EDEM2: variants seen among roughly 807,000 people sequenced by gnomAD.
EDEM2 encodes the protein ER degradation enhancing alpha-mannosidase like protein 2, also known as ER degradation-enhancing alpha-mannosidase-like protein 2.
A neutral mutation model predicts 64.8 loss-of-function variants in EDEM2; 39 were observed. That is an observed-to-expected ratio of 0.60 (90% CI 0.47 to 0.79). The LOEUF is 0.79. Among genes scored for constraint, EDEM2 ranks in the 30% least tolerant of loss-of-function variants. EDEM2 has a pLI of 0.00. For synonymous variants in EDEM2, 296 were observed against 291.5 expected (o/e 1.02, Z -0.16); for missense variants, 609 against 731.3 (o/e 0.83, Z 1.93).
chr20:35,145,124 C>T (rs373604474), intron 2 of EDEM2, 106 bp from the exon 3 acceptor site: 33 of 1,125,550 alleles, frequency 2.9e-5, no homozygotes, highest in Middle Eastern at 2.0e-4. Flanking sequence ...CAAAGTAATG[C>T]CTCTGCCTGT....
Position 35,134,868 on chromosome 20 carries a change from C to G in EDEM2, c.572G>C (p.Cys191Ser). 1 of 1,614,212 alleles carries G rather than the reference C, an allele frequency of 6.2e-7. No individual in the cohort carries two copies. Among genetic ancestry groups the G allele is most frequent in the Non-Finnish European group, 8.5e-7 (1 of 1,180,046 alleles). ...AATGAAGGTCCCAATCCCTGCCGTACAGGTGACAGGGGTCTCTCCTGGGTT... is the reference window on the plus strand; with the variant it reads ...AATGAAGGTCCCAATCCCTGCCGTAGAGGTGACAGGGGTCTCTCCTGGGTT... ...GVNPGETPVT[C>S]TAGIGTFIVE... The change falls in exon 6 of 11, where the codon TGT (cysteine) becomes TCT (serine). Residue 191 changes from cysteine to serine, a missense_variant. By Grantham distance (112) the Cys-to-Ser change is moderately radical. Transcript: ENST00000374492.
intron 10 of EDEM2, among the ~76,000 whole-genome samples, chr20:35,117,786 G>A (rs1463155768): frequency 1.3e-5 from 2 of 152,108 alleles, no homozygotes; most frequent in African/African-American, 4.8e-5. Flanking sequence ...GTTCCTGCAT[G>A]GATGTGAGAT....
intron 9 of EDEM2, among the ~76,000 whole-genome samples, chr20:35,121,025 C>T (rs996987661): frequency 6.6e-6 from 1 of 152,208 alleles, no homozygotes; most frequent in Non-Finnish European, 1.5e-5. Flanking sequence ...CCAACTCTGT[C>T]GAGCAGTGGT....
chr20:35,141,047 G>A (rs1452558741), intron 4 of EDEM2, among the ~76,000 whole-genome samples: 1 of 147,904 alleles, frequency 6.8e-6, no homozygotes, highest in Non-Finnish European at 1.5e-5. Flanking sequence ...CTGAACCCGG[G>A]AGGCAGAGGT....
chr20:35,118,030 G>A (rs568602446), intron 10 of EDEM2, among the ~76,000 whole-genome samples: 3 of 152,038 alleles, frequency 2.0e-5, no homozygotes, highest in East Asian at 1.9e-4. Context: ...TGCTTGCTCC[G>A]CTCCAGCCAC....
Position 35,118,636 on chromosome 20 carries a change from T to C in EDEM2, c.1198A>G (p.Ile400Val), listed in dbSNP as rs779539070. The change falls in exon 10 of 11, where the codon ATT becomes GTT. Residue 400 changes from isoleucine to valine, a missense_variant. Transcript: ENST00000374492. ...LELGRDAVES[I>V]EKISKVECGF... is the part of the protein sequence containing the mutation. ...CACTCCACCTTGCTGATTTTTTCAA[T>C]GGATTCCACAGCATCTCTTCCGAGT... is the stretch of plus-strand genomic sequence containing the variant. The C allele has an allele frequency of 5.6e-6, 9 of 1,614,072 alleles. No individual in the cohort carries two copies. Among genetic ancestry groups the C allele is most frequent in the Middle Eastern group, 1.7e-4 (1 of 5,982 alleles).
chr20:35,141,752 T>A (rs1273637109), intron 4 of EDEM2, among the ~76,000 whole-genome samples: 2 of 152,072 alleles, frequency 1.3e-5, no homozygotes, highest in Non-Finnish European at 2.9e-5. Flanking sequence ...ATTCATTAGG[T>A]TTAGGGTGGA....
At chr20:35,120,920 G>A (rs1041950114) in intron 9 of EDEM2, among the ~76,000 whole-genome samples, 4 of 151,824 alleles carry the variant, frequency 2.6e-5, no homozygotes, top group South Asian at 2.1e-4. Flanking sequence ...AGCAGCTGGT[G>A]GGCCAGTGCC....
chr20:35,123,540 C>T (rs112662371), intron 9 of EDEM2, among the ~76,000 whole-genome samples: 13,996 of 151,542 alleles, frequency 0.092, 2,148 homozygotes, highest in African/African-American at 0.32. Context: ...TGCGGTGAGC[C>T]GAGATCACAC....
Position 35,145,003 on chromosome 20 carries a change from T to A in EDEM2, c.234A>T (p.Leu78=). Residue 78 remains leucine, a synonymous_variant, in exon 3 of 11, where the codon CTA becomes CTT. Coordinates refer to ENST00000374492, the MANE Select transcript of EDEM2 (RefSeq NM_018217.3). ...CCAGCAAGGTGTCCAGTGCATCAATTAGAGTCAGAGAAAAACTGCAAAAGG... is the reference window on the plus strand; with the variant it reads ...CCAGCAAGGTGTCCAGTGCATCAATAAGAGTCAGAGAAAAACTGCAAAAGG... ...HDTWGSFSLT[L]IDALDTLLIL... is the part of the protein sequence containing the mutation. 1 of 1,614,044 alleles carries A rather than the reference T, an allele frequency of 6.2e-7. No homozygotes were observed. Among genetic ancestry groups the A allele is most frequent in the Non-Finnish European group, 8.5e-7 (1 of 1,179,970 alleles).
intron 3 of EDEM2, among the ~76,000 whole-genome samples, chr20:35,143,566 C>T (rs535078324): frequency 6.6e-6 from 1 of 152,180 alleles, no homozygotes; most frequent in Non-Finnish European, 1.5e-5. Flanking sequence ...TTATTTAAAC[C>T]GTTAGCCAAA....
chr20:35,130,818 G>A (rs1377495368), intron 7 of EDEM2, among the ~76,000 whole-genome samples: 2 of 152,180 alleles, frequency 1.3e-5, no homozygotes, highest in African/African-American at 2.4e-5. Flanking sequence ...TAGTGTCTAA[G>A]GGCCTGGCGG....
intron 7 of EDEM2, among the ~76,000 whole-genome samples, chr20:35,129,216 G>A (rs963452423): frequency 1.3e-5 from 2 of 152,116 alleles, no homozygotes; most frequent in African/African-American, 4.8e-5. Flanking sequence ...AGACCAGCCC[G>A]GGCAACACAG....
chr20:35,130,340 G>A (rs2085491243), intron 7 of EDEM2, among the ~76,000 whole-genome samples: 1 of 152,080 alleles, frequency 6.6e-6, no homozygotes, highest in African/African-American at 2.4e-5. Flanking sequence ...AAAGCACTGG[G>A]ATTAAAGGCA....
Position 35,123,918 on chromosome 20 carries a change from C to T in EDEM2, c.1086G>A (p.Glu362=). Residue 362 remains glutamate (E), a synonymous_variant, in exon 9 of 11, where the codon GAG becomes GAA. Coordinates refer to ENST00000374492, the MANE Select transcript of EDEM2 (RefSeq NM_018217.3). The stretch of plus-strand genomic sequence containing the variant: ...GCCGAAGTGGGTAGCCCTCTCGCTT[C>T]TCCACTGTGTATCCCTGAGGAATGT... ...FYNIPQGYTV[E]KREGYPLRPE... is the part of the protein sequence containing the mutation. 1 of 1,614,172 alleles carries T rather than the reference C, an allele frequency of 6.2e-7. No individual in the cohort carries two copies. Among genetic ancestry groups the T allele is most frequent in the Non-Finnish European group, 8.5e-7 (1 of 1,180,020 alleles).
At chr20:35,146,999 G>C (rs1347831221) in intron 1 of EDEM2, 64 bp from the exon 2 acceptor site, 28 of 1,571,882 alleles carry the variant, frequency 1.8e-5, no homozygotes, top group Non-Finnish European at 2.4e-5. Flanking sequence ...GGAAGAACAA[G>C]ATACAGGGCG....
intron 3 of EDEM2, among the ~76,000 whole-genome samples, chr20:35,144,369 T>C (rs1288375383): frequency 6.6e-6 from 1 of 152,196 alleles, no homozygotes; most frequent in Non-Finnish European, 1.5e-5. Context: ...GTTTCACTCT[T>C]GTCACCCAGG....
rs148850517 is a variant in EDEM2 at position 35,121,404 on chromosome 20, C to A, written c.1114+2486G>T. On this transcript the variant is annotated intron_variant, in intron 9 of 10. Transcript: ENST00000374492. ...ATGCCACCACGGATAAGACAAGAGG[C>A]GGAGCTCAGGCAGCAATGTGAGCGA... 1.2e-3 allele frequency among the ~76,000 whole-genome samples: 183 copies of A among 152,240 alleles called. 1 individual carries two copies. The highest frequency in any genetic ancestry group is 4.2e-3 in the African/African-American group (175 of 41,546).
rs147950080 is a variant in EDEM2 at position 35,138,222 on chromosome 20, G to C, written c.365-217C>G. On this transcript the variant is annotated intron_variant, in intron 4 of 10. Transcript: ENST00000374492. ...GAGCTAGAGCCACCCAGCGAAAAAA[G>C]AGTCCCTTAATCCCACATATTTCTA... is the stretch of plus-strand genomic sequence containing the variant. Among the ~76,000 whole-genome samples the C allele has an allele frequency of 3.1e-3, 476 of 152,348 alleles. 4 individuals carry two copies. Among genetic ancestry groups the C allele is most frequent in the South Asian group, 0.011 (52 of 4,824 alleles).
Sources: gnomAD v4.1 joint callset for allele counts (sites outside exome capture counted in the v4.1 genomes callset) on GRCh38, gnomAD v4.1.1 for gene constraint, MANE v1.5 for transcripts, NCBI Gene and HGNC (gene_info 2026-07-23, HGNC 2026-07-21) for gene names.